The following LRIG1 variants were observed in gnomAD, a reference collection of about 807,000 sequenced individuals.
LRIG1 encodes leucine-rich repeats and immunoglobulin-like domains protein 1.
In LRIG1, 48 loss-of-function variants were observed where a neutral mutation model predicts 99.2. The observed-to-expected ratio is 0.48, with a 90% CI of 0.38 to 0.62. The LOEUF (loss-of-function observed/expected upper bound fraction) is 0.62. Among genes scored for constraint, LRIG1 ranks in the 20% least tolerant of loss-of-function variants. The pLI is 0.00. For missense variants in LRIG1, 1,646 were observed against 1,434.4 expected (o/e 1.15, Z -2.38); for synonymous variants, 772 against 596.1 (o/e 1.29, Z -4.30).
chr3:66,396,256 G>C (rs1023684346), intron 11 of LRIG1, among the ~76,000 whole-genome samples: 2 of 152,212 alleles, frequency 1.3e-5, no homozygotes, highest in Non-Finnish European at 2.9e-5. Flanking sequence ...CCTGGGGCCA[G>C]GCAGTAGCGA....
chr3:66,480,933 G>A (rs1393585338), intron 1 of LRIG1, among the ~76,000 whole-genome samples: 2 of 152,148 alleles, frequency 1.3e-5, no homozygotes, highest in African/African-American at 4.8e-5. Flanking sequence ...CTGTGGTTGG[G>A]GCAGGCGGAT....
chr3:66,384,361 G>C (rs1280398335), intron 13 of LRIG1, 89 bp from the exon 14 acceptor site: 1 of 1,366,234 alleles, frequency 7.3e-7, no homozygotes, highest in East Asian at 2.3e-5. Flanking sequence ...CTGTCACTGT[G>C]CCCAGTGCCA....
At chr3:66,480,083 A>G (rs1168385430) in intron 1 of LRIG1, among the ~76,000 whole-genome samples, 1 of 152,250 alleles carries the variant, frequency 6.6e-6, no homozygotes, top group Admixed American at 6.5e-5. Context: ...TGATGAGTGG[A>G]TAAAGAAAAT....
intron 9 of LRIG1, among the ~76,000 whole-genome samples, chr3:66,403,966 T>C (rs1312470398): frequency 6.6e-6 from 1 of 152,192 alleles, no homozygotes; most frequent in Non-Finnish European, 1.5e-5. Context: ...CTTCTGGCTC[T>C]TCCCAGGTTT....
Position 66,417,196 on chromosome 3 carries a change from G to T in LRIG1, c.436C>A (p.Leu146Met), listed in dbSNP as rs200803242. Residue 146 changes from leucine to methionine, a missense_variant, in exon 4 of 19, where the codon CTG becomes ATG. Physicochemically the swap from Leu to Met is conservative, Grantham distance 15 (BLOSUM62 2). Transcript: ENST00000273261. ...ACTTCCGTGATGTTGTTCAAACTCA[G>T]ATCTAACACTTCTAAGGAAAGGTAG... ...KAYLSLEVLD[L>M]SLNNITEVRN... 5.2e-5 allele frequency: 84 copies of T among 1,614,196 alleles called. 1 individual carries two copies. In the East Asian group the frequency reaches 8.9e-4, roughly 17 times the overall value.
intron 2 of LRIG1, among the ~76,000 whole-genome samples, chr3:66,460,552 C>T (rs968723821): frequency 1.3e-5 from 2 of 152,194 alleles, no homozygotes; most frequent in Non-Finnish European, 2.9e-5. Context: ...TGGACACACA[C>T]AGAGACACCA....
intron 1 of LRIG1, among the ~76,000 whole-genome samples, chr3:66,464,735 C>T (rs539182612): frequency 4.6e-5 from 7 of 152,214 alleles, no homozygotes; most frequent in Admixed American, 3.9e-4. Flanking sequence ...AGATAACTTC[C>T]CTCACTTCCC....
In LRIG1 at chr3:66,405,147, C is replaced by T. The variant is rs1224035566; in HGVS notation, c.1160+51G>A. The T allele has an allele frequency of 2.0e-6, 3 of 1,530,288 alleles. No individual in the cohort carries two copies. In the South Asian group the frequency reaches 3.4e-5, roughly 17 times the overall value. 94.8% of individuals were successfully genotyped at this position (1,530,288 alleles called of 1,614,324 possible). A position where few individuals can be genotyped will look rare whatever the true frequency, so the allele number is the denominator to read the frequency against. The stretch of plus-strand genomic sequence containing the variant: ...GGGCGCCACAGAAACATCTCCCACC[C>T]AAGTGTGTCCCGCGCATTTGCCGGC... On this transcript the variant is annotated intron_variant, in intron 9 of 18. Coordinates refer to ENST00000273261, the MANE Select transcript of LRIG1 (RefSeq NM_015541.3).
intron 1 of LRIG1, among the ~76,000 whole-genome samples, chr3:66,473,677 A>T (rs185735886): frequency 2.0e-5 from 3 of 152,352 alleles, no homozygotes; most frequent in African/African-American, 7.2e-5. Context: ...CAAATTAGAA[A>T]AGCGAATTTA....
At chr3:66,405,773 C>G in intron 8 of LRIG1, 1 of 1,180,568 alleles carries the variant, frequency 8.5e-7, no homozygotes, top group Non-Finnish European at 1.1e-6. Context: ...GTCTGGAGCC[C>G]GGAGCCCATC....
At chr3:66,383,845 A>T in intron 14 of LRIG1, 146 bp downstream of exon 14, 1 of 1,122,720 alleles carries the variant, frequency 8.9e-7, no homozygotes, top group Non-Finnish European at 1.2e-6. Flanking sequence ...AAGAAAAATT[A>T]ACTCAACTCA....
rs1324432130 is a variant in LRIG1 at position 66,406,437 on chromosome 3, G to C, written c.1079+911C>G. ...TTGTATGGGCTCACAGGCTGACCTGGCCTGAATAGCTTGGCTCCGGCCTCT... is the reference window on the plus strand; with the variant it reads ...TTGTATGGGCTCACAGGCTGACCTGCCCTGAATAGCTTGGCTCCGGCCTCT... On this transcript the variant is annotated intron_variant, in intron 8 of 18. Coordinates refer to ENST00000273261, the MANE Select transcript of LRIG1 (RefSeq NM_015541.3). 4 of 985,090 alleles carry C rather than the reference G, an allele frequency of 4.1e-6. No homozygotes were observed. The South Asian group carries it at 1.9e-4, about 46-fold the overall frequency. 61.0% of individuals were successfully genotyped at this position (985,090 alleles called of 1,614,324 possible).
At chr3:66,465,908 T>C (rs952938450) in intron 1 of LRIG1, among the ~76,000 whole-genome samples, 1 of 152,190 alleles carries the variant, frequency 6.6e-6, no homozygotes, top group African/African-American at 2.4e-5. Flanking sequence ...TACTTCTGTC[T>C]CTAAGAATCT....
intron 3 of LRIG1, among the ~76,000 whole-genome samples, chr3:66,445,383 G>A (rs1015149406): frequency 1.3e-5 from 2 of 151,992 alleles, no homozygotes; most frequent in African/African-American, 4.8e-5. Context: ...AAAGTAGCAT[G>A]GGGACCTATA....
chr3:66,435,734 T>A (rs189080406), intron 3 of LRIG1, among the ~76,000 whole-genome samples: 5 of 152,044 alleles, frequency 3.3e-5, no homozygotes, highest in African/African-American at 1.2e-4. Context: ...GATGTCACCA[T>A]TGGGAGAAAC....
intron 17 of LRIG1, 101 bp from the exon 18 acceptor site, chr3:66,380,962 C>CCTGA (rs1210240339): frequency 4.8e-6 from 6 of 1,240,646 alleles, no homozygotes; most frequent in Admixed American, 2.0e-5. Context: ...AGGTGAGAAC[C>CCTGA]CTGACTGCAA....
intron 1 of LRIG1, among the ~76,000 whole-genome samples, chr3:66,476,791 A>G (rs1021150630): frequency 6.6e-6 from 1 of 152,222 alleles, no homozygotes; most frequent in Non-Finnish European, 1.5e-5. Flanking sequence ...TTCCATACGC[A>G]GGATTCTTCC....
chr3:66,398,058 T>C (rs1701923035), intron 11 of LRIG1, 54 bp downstream of exon 11: 1 of 1,399,776 alleles, frequency 7.1e-7, no homozygotes, highest in South Asian at 1.2e-5. Context: ...AGAAGTTTCT[T>C]ACTCTGAAAG....
chr3:66,396,376 C>T (rs754260302), intron 11 of LRIG1, among the ~76,000 whole-genome samples: 1 of 152,240 alleles, frequency 6.6e-6, no homozygotes, highest in Non-Finnish European at 1.5e-5. Context: ...GCTTTGCTGG[C>T]TCACATGGTG....
Sources: gnomAD v4.1 joint callset for allele counts (sites outside exome capture counted in the v4.1 genomes callset) on GRCh38, gnomAD v4.1.1 for gene constraint, MANE v1.5 for transcripts, NCBI Gene and HGNC (gene_info 2026-07-23, HGNC 2026-07-21) for gene names.